Variants in LARP1B observed in about 807,000 individuals in gnomAD.
LARP1B encodes the protein la-related protein 1B.
A neutral mutation model predicts 114.2 loss-of-function variants in LARP1B; 76 were observed. The ratio of observed to expected loss-of-function variants is 0.67; its 90% CI spans 0.55 to 0.81. The LOEUF (loss-of-function observed/expected upper bound fraction) is 0.81. Among genes scored for constraint, LARP1B ranks in the 30% least tolerant of loss-of-function variants. The pLI is 0.00. For synonymous variants in LARP1B, 345 were observed against 348.0 expected (o/e 0.99, Z 0.10); for missense variants, 1,014 against 1,075.8 (o/e 0.94, Z 0.80).
intron 11 of LARP1B, among the ~76,000 whole-genome samples, chr4:128,140,614 T>G (rs989138091): frequency 2.0e-5 from 3 of 152,184 alleles, no homozygotes; most frequent in Non-Finnish European, 2.9e-5. Context: ...ACAGTTGTGT[T>G]TCTGGTAGTT....
chr4:128,104,823 C>T (rs953112168), intron 8 of LARP1B, among the ~76,000 whole-genome samples: 6 of 152,126 alleles, frequency 3.9e-5, no homozygotes, highest in African/African-American at 1.2e-4. Context: ...CTACTGTGAA[C>T]GTTGTCATAG....
intron 19 of LARP1B, among the ~76,000 whole-genome samples, chr4:128,207,733 T>G (rs1443830017): frequency 6.6e-6 from 1 of 152,262 alleles, no homozygotes; most frequent in African/African-American, 2.4e-5. Flanking sequence ...TTTATCCATA[T>G]AATTCCTGTA....
chr4:128,076,939 C>A (rs1329910944), intron 3 of LARP1B, among the ~76,000 whole-genome samples: 1 of 151,990 alleles, frequency 6.6e-6, no homozygotes, highest in African/African-American at 2.4e-5. Flanking sequence ...TGTGCCCAGG[C>A]TGGTCTCAAA....
At chr4:128,194,725 G>A (rs1369784750) in intron 15 of LARP1B, among the ~76,000 whole-genome samples, 2 of 144,772 alleles carry the variant, frequency 1.4e-5, no homozygotes, top group Admixed American at 6.9e-5. Context: ...TTCTTGGCTG[G>A]ATGTGGTGGC....
At chr4:128,178,243 A>G (rs1226933019) in intron 13 of LARP1B, among the ~76,000 whole-genome samples, 188 bp from the exon 14 acceptor site, 1 of 151,868 alleles carries the variant, frequency 6.6e-6, no homozygotes, top group Non-Finnish European at 1.5e-5. Flanking sequence ...ATAAACAGAT[A>G]TAGAAAAATA....
intron 8 of LARP1B, 99 bp from the exon 9 acceptor site, chr4:128,107,038 TTA>T: frequency 1.1e-6 from 1 of 898,462 alleles, no homozygotes; most frequent in South Asian, 1.7e-5. Flanking sequence ...TAACTGCAAA[TTA>T]GTTTGCTAAT....
chr4:128,107,575 T>G, intron 9 of LARP1B: 1 of 1,372,246 alleles, frequency 7.3e-7, no homozygotes, highest in Non-Finnish European at 9.5e-7. Context: ...GGAGTTTCTA[T>G]CTTTTATTTT....
At position 128,159,413 on chromosome 4, in the gene LARP1B, C is replaced by T. The variant is rs189754804; in HGVS notation, c.1525-2781C>T. On this transcript the variant is annotated intron_variant, in intron 11 of 19. Transcript: ENST00000326639. The stretch of plus-strand genomic sequence containing the variant: ...CACCTCCACTATCCCTAACCCCTGG[C>T]AACCACTAATCTGTTCTTCATCTCT... 1.9e-4 allele frequency among the ~76,000 whole-genome samples: 29 copies of T among 152,236 alleles called. No individual in the cohort carries two copies. The East Asian group carries it at 5.4e-3, about 28-fold the overall frequency.
At chr4:128,117,978 C>T (rs989645555) in intron 10 of LARP1B, among the ~76,000 whole-genome samples, 5 of 145,180 alleles carry the variant, frequency 3.4e-5, no homozygotes, top group East Asian at 2.0e-4. Context: ...TGCAGTGGCG[C>T]GATCTCTGCT....
At chr4:128,087,130 A>G (rs1215590785) in intron 5 of LARP1B, among the ~76,000 whole-genome samples, 1 of 152,050 alleles carries the variant, frequency 6.6e-6, no homozygotes. Flanking sequence ...ATTTTGGGCC[A>G]GGCTGGTCAC....
intron 12 of LARP1B, among the ~76,000 whole-genome samples, chr4:128,172,740 T>G (rs1021489724): frequency 6.6e-6 from 1 of 152,034 alleles, no homozygotes; most frequent in African/African-American, 2.4e-5. Context: ...GTTACTTTTT[T>G]CTCTTTCTCT....
intron 8 of LARP1B, among the ~76,000 whole-genome samples, chr4:128,102,878 C>G (rs1780776408): frequency 6.6e-6 from 1 of 152,170 alleles, no homozygotes; most frequent in Non-Finnish European, 1.5e-5. Context: ...GTGCCTGCTA[C>G]TTTCATCTCA....
Position 128,088,563 on chromosome 4 carries a change from C to T in LARP1B, c.359-2438C>T, listed in dbSNP as rs76215468. On this transcript the variant is annotated intron_variant, in intron 5 of 19. Coordinates refer to ENST00000326639, the MANE Select transcript of LARP1B (RefSeq NM_018078.4). ...TTTTTTTGATATTAAGGTACTACCA[C>T]GAACATTTTAATGCATGTTTTCCAG... Among the ~76,000 whole-genome samples the T allele has an allele frequency of 3.1e-3, 467 of 152,098 alleles. 4 individuals carry two copies. Among genetic ancestry groups the T allele is most frequent in the African/African-American group, 0.011 (446 of 41,488 alleles).
chr4:128,062,644 G>C (rs960120108), intron 1 of LARP1B, among the ~76,000 whole-genome samples: 34 of 146,656 alleles, frequency 2.3e-4, no homozygotes, highest in Non-Finnish European at 1.5e-5. Context: ...AGAGCAAGGG[G>C]ATTTATTCGT....
In LARP1B at chr4:128,221,337, A is replaced by G. The variant is rs117477970; in HGVS notation, n.934+897A>G. ...ATTTAGGGTTATTATTGACAACTGA[A>G]GATTCTGAACTGTTCGGCTTGAAGG... On this transcript the variant is annotated intron_variant and non_coding_transcript_variant, in intron 7 of 7. Transcript: ENST00000503725. 4.1e-4 allele frequency among the ~76,000 whole-genome samples: 63 copies of G among 152,344 alleles called. 1 individual carries two copies. In the East Asian group the frequency reaches 0.012, roughly 29 times the overall value.
At chr4:128,150,300 T>C (rs1732184285) in intron 11 of LARP1B, among the ~76,000 whole-genome samples, 1 of 151,328 alleles carries the variant, frequency 6.6e-6, no homozygotes, top group Non-Finnish European at 1.5e-5. Flanking sequence ...TTCTTTTTTT[T>C]TTTTTTTTCA....
At chr4:128,100,535 G>C (rs868703568) in intron 8 of LARP1B, among the ~76,000 whole-genome samples, 1 of 151,980 alleles carries the variant, frequency 6.6e-6, no homozygotes, top group South Asian at 2.1e-4. Flanking sequence ...GCCTCCCAAA[G>C]TGCTGGGATT....
At chr4:128,178,726 T>TTTTCAATGTGATA in intron 14 of LARP1B, 84 bp downstream of exon 14, 1 of 931,854 alleles carries the variant, frequency 1.1e-6, no homozygotes, top group Non-Finnish European at 1.7e-6. Context: ...TCTATCACAT[T>TTTTCAATGTGATA]GAAAAATGTG....
At position 128,178,589 on chromosome 4, in the gene LARP1B, A is replaced by G. The variant is rs1271797994; in HGVS notation, c.1843A>G (p.Lys615Glu). The change falls in exon 14 of 20, where the codon AAA becomes GAA. Residue 615 changes from lysine to glutamate, a missense_variant. Transcript: ENST00000326639. Reference protein sequence around the residue: ...PRTPRLQDPNKTPRFYPVVKE... With the variant: ...PRTPRLQDPNETPRFYPVVKE... ...AACACCTAGGTTACAAGATCCTAAC[A>G]AAACACCAAGATTTTATCCTGTTGT... 1.2e-6 allele frequency: 2 copies of G among 1,614,146 alleles called. No homozygotes were observed. The highest frequency in any genetic ancestry group is 1.7e-6 in the Non-Finnish European group (2 of 1,180,022).
Sources: gnomAD v4.1 joint callset for allele counts (sites outside exome capture counted in the v4.1 genomes callset) on GRCh38, gnomAD v4.1.1 for gene constraint, MANE v1.5 for transcripts, NCBI Gene and HGNC (gene_info 2026-07-23, HGNC 2026-07-21) for gene names.